Variants in BCAR3 observed in about 807,000 individuals in gnomAD.
BCAR3 encodes the protein breast cancer anti-estrogen resistance protein 3.
BCAR3 carries 37 observed loss-of-function variants against 80.1 expected under a neutral mutation model. That is an observed-to-expected ratio of 0.46 (90% CI 0.36 to 0.61). BCAR3 has a LOEUF of 0.61. Among genes scored for constraint, BCAR3 ranks in the 20% least tolerant of loss-of-function variants. The pLI is 0.00. For missense variants in BCAR3, 978 were observed against 1,068.2 expected, an observed-to-expected ratio of 0.92 and a Z score of 1.18; for synonymous variants, 389 against 418.9, an observed-to-expected ratio of 0.93 and a Z score of 0.87.
chr1:93,623,107 A>G (rs2101891909), intron 3 of BCAR3, among the ~76,000 whole-genome samples: 1 of 152,310 alleles, frequency 6.6e-6, no homozygotes, highest in East Asian at 1.9e-4. Flanking sequence ...AAATCTGGCA[A>G]ACTTGGAGGC....
chr1:93,562,631 C>T (rs989740345), intron 11 of BCAR3, among the ~76,000 whole-genome samples: 2 of 151,782 alleles, frequency 1.3e-5, no homozygotes, highest in South Asian at 2.1e-4. Context: ...ATTAGCCAGG[C>T]GTGGTGGCGA....
In BCAR3 at chr1:93,812,404, T is replaced by C. The variant is rs12038349; in HGVS notation, c.-63+33163A>G. On this transcript the variant is annotated intron_variant, in intron 2 of 13. Transcript: ENST00000370244. ...TCAGGTCAATCTTTTGAAAGCCCTC[T>C]CTCTGTCATGTCTCCACCATAGGCT... Among the ~76,000 whole-genome samples the C allele has an allele frequency of 3.4e-4, 51 of 152,226 alleles. No homozygotes were observed. In the East Asian group the frequency reaches 6.9e-3, roughly 21 times the overall value.
intron 5 of BCAR3, among the ~76,000 whole-genome samples, chr1:93,588,122 T>C (rs150789774): frequency 2.6e-4 from 40 of 152,246 alleles, no homozygotes; most frequent in Non-Finnish European, 4.7e-4. Context: ...CAAGCCCTAA[T>C]TTAAGTTTTC....
At chr1:93,638,918 G>A (rs1401086521) in intron 3 of BCAR3, among the ~76,000 whole-genome samples, 1 of 152,200 alleles carries the variant, frequency 6.6e-6, no homozygotes, top group African/African-American at 2.4e-5. Flanking sequence ...ATTCTCTCCT[G>A]TAAGTGCCAG....
At chr1:93,573,691 T>G (rs1673330232) in intron 8 of BCAR3, among the ~76,000 whole-genome samples, 1 of 151,194 alleles carries the variant, frequency 6.6e-6, no homozygotes, top group Non-Finnish European at 1.5e-5. Context: ...TGCAGTGGTG[T>G]GATCATGGCT....
chr1:93,683,658 T>C (rs1648877041), upstream of BCAR3, among the ~76,000 whole-genome samples: 1 of 152,194 alleles, frequency 6.6e-6, no homozygotes, highest in Non-Finnish European at 1.5e-5. Flanking sequence ...AATAGGATAT[T>C]GAGTGAAAGA....
chr1:93,765,306 A>T (rs994472349), intron 2 of BCAR3, among the ~76,000 whole-genome samples: 1 of 152,240 alleles, frequency 6.6e-6, no homozygotes, highest in African/African-American at 2.4e-5. Flanking sequence ...TCACCATATA[A>T]GAATGGTCAG....
chr1:93,590,582 A>G (rs1223524797), intron 4 of BCAR3, among the ~76,000 whole-genome samples: 1 of 152,258 alleles, frequency 6.6e-6, no homozygotes, highest in Non-Finnish European at 1.5e-5. Context: ...TGGTGATAGT[A>G]TCGGTTTTAT....
chr1:93,583,762 G>A (rs1240272085), intron 6 of BCAR3, among the ~76,000 whole-genome samples: 2 of 152,172 alleles, frequency 1.3e-5, no homozygotes, highest in Non-Finnish European at 2.9e-5. Flanking sequence ...ACCTATCTGT[G>A]CCTCAGTTTC....
At chr1:93,651,854 AT>A (rs1278636881) in intron 2 of BCAR3, among the ~76,000 whole-genome samples, 1 of 152,122 alleles carries the variant, frequency 6.6e-6, no homozygotes, top group Admixed American at 6.6e-5. Context: ...CACATTTAGG[AT>A]GCCTCCCAAG....
At chr1:93,694,031 C>T in intron 3 of BCAR3, among the ~76,000 whole-genome samples, 1 of 152,194 alleles carries the variant, frequency 6.6e-6, no homozygotes, top group East Asian at 1.9e-4. Context: ...GATTGAGGTG[C>T]AAAGAGAGGC....
At chr1:93,694,469 T>G (rs545106506) in intron 3 of BCAR3, among the ~76,000 whole-genome samples, 69 of 152,282 alleles carry the variant, frequency 4.5e-4, no homozygotes, top group African/African-American at 1.6e-3. Context: ...GCATGAATTC[T>G]CTCCTCCACT....
chr1:93,696,739 G>C (rs992789554), intron 3 of BCAR3, among the ~76,000 whole-genome samples: 5 of 152,172 alleles, frequency 3.3e-5, no homozygotes, highest in Non-Finnish European at 5.9e-5. Context: ...TTTATTTGGT[G>C]CCTCCAAGCC....
At chr1:93,756,047 C>CTCCT (rs1651738591) in intron 2 of BCAR3, among the ~76,000 whole-genome samples, 1 of 152,104 alleles carries the variant, frequency 6.6e-6, no homozygotes, top group South Asian at 2.1e-4. Context: ...CTTTGTGGCT[C>CTCCT]TCCTGTCTAG....
rs561117912 is a variant in BCAR3 at position 93,832,134 on chromosome 1, C to A, written c.-63+13433G>T. Among the ~76,000 whole-genome samples, 6 of 152,324 alleles carry A rather than the reference C, an allele frequency of 3.9e-5. No homozygotes were observed. The East Asian group carries it at 1.2e-3, about 29-fold the overall frequency. On this transcript the variant is annotated intron_variant, in intron 2 of 13. Transcript: ENST00000370244. ...AGATTCCGGCCCTCAAACCCCATAA[C>A]AGGACTTGATTAACTTCGCCTTCAA...
At chr1:93,757,027 A>G (rs1033319777) in intron 2 of BCAR3, among the ~76,000 whole-genome samples, 60 of 152,204 alleles carry the variant, frequency 3.9e-4, no homozygotes, top group African/African-American at 1.4e-3. Flanking sequence ...ACCTGCAGGC[A>G]TGTCCCCTGA....
At chr1:93,564,459 G>A (rs1479184418) in intron 11 of BCAR3, among the ~76,000 whole-genome samples, 1 of 151,948 alleles carries the variant, frequency 6.6e-6, no homozygotes, top group Non-Finnish European at 1.5e-5. Flanking sequence ...TGTATTTTTA[G>A]TAGAGACGGG....
chr1:93,626,326 G>A (rs1675455527), intron 3 of BCAR3, among the ~76,000 whole-genome samples: 1 of 152,202 alleles, frequency 6.6e-6, no homozygotes, highest in Admixed American at 6.5e-5. Flanking sequence ...AACTTTGCTA[G>A]AGAAATAAAT....
intron 2 of BCAR3, among the ~76,000 whole-genome samples, chr1:93,759,854 C>T (rs1651875777): frequency 6.6e-6 from 1 of 152,142 alleles, no homozygotes; most frequent in South Asian, 2.1e-4. Context: ...CACTGTCTAC[C>T]ATGGTCCACG....
Sources: allele counts gnomAD v4.1 joint callset (sites outside exome capture counted in the v4.1 genomes callset), GRCh38; gene constraint gnomAD v4.1.1; transcripts MANE v1.5; gene names NCBI Gene and HGNC (gene_info 2026-07-23, HGNC 2026-07-21).